Variants in NAA20 observed in about 807,000 individuals in gnomAD.
The protein encoded by NAA20 is N-alpha-acetyltransferase 20, NatB catalytic subunit.
In NAA20, 24 loss-of-function variants were observed where a neutral mutation model predicts 23.8. That is an observed-to-expected ratio of 1.01 (90% CI 0.73 to 1.42). The LOEUF (loss-of-function observed/expected upper bound fraction) is 1.42, where lower values mean the gene tolerates loss of function less well. Ranked by LOEUF, NAA20 falls within the 40% of genes most tolerant of loss-of-function variation. The pLI is 0.00. For missense variants in NAA20, 166 were observed against 223.1 expected (o/e 0.74, Z 1.63); for synonymous variants, 83 against 77.7 (o/e 1.07, Z -0.36).
At chr20:20,023,742 A>G (rs2043287904) in intron 2 of NAA20, among the ~76,000 whole-genome samples, 3 of 152,228 alleles carry the variant, frequency 2.0e-5, no homozygotes, top group African/African-American at 7.2e-5. Flanking sequence ...AAAGACATGT[A>G]AACTAAAACC....
At chr20:20,029,248 TTAA>T (rs2043326432) in intron 4 of NAA20, among the ~76,000 whole-genome samples, 1 of 152,198 alleles carries the variant, frequency 6.6e-6, no homozygotes, top group South Asian at 2.1e-4. Flanking sequence ...AGAATACTTA[TTAA>T]TAATAGTTAT....
chr20:20,032,589 T>C lies in NAA20; in HGVS notation c.387T>C (p.Ser129=), dbSNP rs781147642. ...AVNMYKQLGY[S]VYRTVIEYYS... ...ACATGTACAAGCAGTTGGGCTACAGTGTATATAGGACGGTCATAGAGTACT... is the reference window on the plus strand; with the variant it reads ...ACATGTACAAGCAGTTGGGCTACAGCGTATATAGGACGGTCATAGAGTACT... The change falls in exon 5 of 6, where the codon AGT becomes AGC. Residue 129 remains serine (S), a synonymous_variant. Transcript: ENST00000334982. 6 of 1,613,568 alleles carry C rather than the reference T, an allele frequency of 3.7e-6. No homozygotes were observed. In the African/African-American group the frequency reaches 6.7e-5, roughly 18 times the overall value.
chr20:20,024,277 C>T (rs1382897113), intron 2 of NAA20, among the ~76,000 whole-genome samples: 8 of 152,128 alleles, frequency 5.3e-5, no homozygotes. Context: ...AGAAGGATTT[C>T]AAACATTTTT....
rs371762351 is a variant in NAA20 at position 20,022,494 on chromosome 20, CAAAA to C, written c.78+23_78+26del. ...CTTACAGAAACTGTATCCTTTTTTA[CAAAA>C]AAAAAAAAGTTGAATGAAGATTTAC... On this transcript the variant is annotated intron_variant, in intron 2 of 5. Transcript: ENST00000334982. 5.0e-6 allele frequency: 6 copies of C among 1,189,062 alleles called. No individual in the cohort carries two copies. The highest frequency in any genetic ancestry group is 2.9e-5 in the Admixed American group (1 of 34,546). 73.7% of individuals were successfully genotyped at this position (1,189,062 alleles called of 1,614,324 possible).
intron 3 of NAA20, among the ~76,000 whole-genome samples, chr20:20,026,512 T>G (rs2043307404): frequency 1.6e-5 from 1 of 61,886 alleles, no homozygotes; most frequent in Admixed American, 1.7e-4. Context: ...CATACTCTGG[T>G]TTTTTTTTTT....
At chr20:20,032,854 C>T (rs886874585) in intron 5 of NAA20, among the ~76,000 whole-genome samples, 2 of 152,190 alleles carry the variant, frequency 1.3e-5, no homozygotes, top group East Asian at 3.8e-4. Flanking sequence ...CTGTACCTTA[C>T]TGTTTCACTC....
intron 5 of NAA20, 127 bp downstream of exon 5, chr20:20,032,780 C>T (rs2043355991): frequency 2.5e-6 from 3 of 1,221,964 alleles, no homozygotes; most frequent in Admixed American, 3.3e-5. Context: ...TTCCCTCAAC[C>T]TACCTTTATC....
chr20:20,017,325 A>G (rs113660711), upstream of NAA20: 857 of 1,593,378 alleles, frequency 5.4e-4, 5 homozygotes, highest in African/African-American at 6.1e-3. Context: ...CGCGGCGGCC[A>G]CGCTCCGGGA....
chr20:20,017,809 G>A (rs2043241802), intron 1 of NAA20: 1 of 1,462,290 alleles, frequency 6.8e-7, no homozygotes, highest in Admixed American at 2.4e-5. Context: ...CCACGACCTG[G>A]GCTTCTCGCC....
In NAA20 at chr20:20,025,717, C is replaced by T; in HGVS notation, c.119C>T (p.Pro40Leu). 6.2e-7 allele frequency: 1 copy of T among 1,612,218 alleles called. No homozygotes were observed. Among genetic ancestry groups the T allele is most frequent in the Non-Finnish European group, 8.5e-7 (1 of 1,178,310 alleles). Residue 40 changes from proline (P) to leucine (L), a missense_variant, in exon 3 of 6, where the codon CCA becomes CTA. Pro to Leu is a moderately conservative substitution (Grantham distance 98, BLOSUM62 -3). Transcript: ENST00000334982. ...TACCTACAATACCTCGCCCACTGGC[C>T]AGAGTATTTCATTGTTGCAGAGGCA... is the stretch of plus-strand genomic sequence containing the variant. ...PFYLQYLAHW[P>L]EYFIVAEAPG...
intron 1 of NAA20, chr20:20,018,399 T>C: frequency 3.7e-6 from 1 of 271,558 alleles, no homozygotes; most frequent in Non-Finnish European, 7.2e-6. Flanking sequence ...GGGCGGTATG[T>C]GAAAACTAAG....
chr20:20,029,731 A>G (rs756132689), intron 4 of NAA20, among the ~76,000 whole-genome samples: 1 of 152,178 alleles, frequency 6.6e-6, no homozygotes, highest in Non-Finnish European at 1.5e-5. Context: ...TTATTATTAT[A>G]ATGGGAGATT....
intron 4 of NAA20, 142 bp downstream of exon 4, chr20:20,027,061 C>A (rs2043311550): frequency 1.7e-6 from 2 of 1,200,214 alleles, no homozygotes; most frequent in Admixed American, 2.3e-5. Context: ...ACAATTCTAT[C>A]ACATAGTCAA....
Position 20,032,479 on chromosome 20 carries a change from C to T in NAA20, c.306-29C>T, listed in dbSNP as rs370033037. The T allele has an allele frequency of 1.9e-6, 3 of 1,602,932 alleles. No individual in the cohort carries two copies. In the African/African-American group the frequency reaches 4.0e-5, roughly 22 times the overall value. On this transcript the variant is annotated intron_variant, in intron 4 of 5. Transcript: ENST00000334982. ...CTTTCTAGGGTTTCTCACATTCTAA[C>T]ATTTTCCTTTTTTGTTTTTCTTTTA...
intron 4 of NAA20, among the ~76,000 whole-genome samples, chr20:20,029,476 G>T (rs187930519): frequency 6.6e-6 from 1 of 151,984 alleles, no homozygotes; most frequent in Non-Finnish European, 1.5e-5. Flanking sequence ...AATTAGCCGG[G>T]TGTGGTAGCA....
chr20:20,032,698 T>TA (rs768397906), intron 5 of NAA20, 45 bp downstream of exon 5: 1 of 1,524,454 alleles, frequency 6.6e-7, no homozygotes, highest in South Asian at 1.3e-5. Context: ...TCGAAACAGT[T>TA]ACATTCTTTC....
chr20:20,023,250 A>G (rs968590825), intron 2 of NAA20, among the ~76,000 whole-genome samples: 20 of 150,734 alleles, frequency 1.3e-4, no homozygotes, highest in Admixed American at 6.7e-5. Context: ...CCGAGGTTGC[A>G]GTGAGCCGAG....
intron 4 of NAA20, among the ~76,000 whole-genome samples, chr20:20,028,282 G>C (rs1355932913): frequency 1.3e-5 from 2 of 152,134 alleles, no homozygotes; most frequent in Non-Finnish European, 2.9e-5. Context: ...AAAGTGGGTT[G>C]TTCAATGAGA....
chr20:20,027,631 A>C (rs570577139), intron 4 of NAA20, among the ~76,000 whole-genome samples: 4 of 152,328 alleles, frequency 2.6e-5, no homozygotes, highest in Non-Finnish European at 5.9e-5. Flanking sequence ...TAGTTTGCCA[A>C]TATCTGACAT....
Sources: gnomAD v4.1 joint callset for allele counts (sites outside exome capture counted in the v4.1 genomes callset) on GRCh38, gnomAD v4.1.1 for gene constraint, MANE v1.5 for transcripts, NCBI Gene and HGNC (gene_info 2026-07-23, HGNC 2026-07-21) for gene names.